Variants in ADGRB3 observed in about 807,000 individuals in gnomAD.
ADGRB3 encodes the protein brain-specific angiogenesis inhibitor 3.
In ADGRB3, 37 loss-of-function variants were observed where a neutral mutation model predicts 193.4. The ratio of observed to expected loss-of-function variants is 0.19; its 90% confidence interval spans 0.15 to 0.25. The LOEUF (loss-of-function observed/expected upper bound fraction) is 0.25. ADGRB3 is among the 10% of genes least tolerant of loss of function. ADGRB3 has a pLI of 1.00. For synonymous variants in ADGRB3, 690 were observed against 644.2 expected (o/e 1.07, Z -1.08); for missense variants, 1,637 against 1,852.9 (o/e 0.88, Z 2.14).
chr6:68,675,650 G>GA lies in ADGRB3; in HGVS notation c.757+36225dup, dbSNP rs549859303. ...GCAGCACGAGTGAATGGATGGAAAT[G>GA]AAAAAAAGATCTACAGAGATATCCA... On this transcript the variant is annotated intron_variant, in intron 3 of 31. Transcript: ENST00000370598. Among the ~76,000 whole-genome samples the GA allele has an allele frequency of 3.9e-4, 59 of 152,104 alleles. 1 individual carries two copies. Among genetic ancestry groups the GA allele is most frequent in the Admixed American group, 2.9e-3 (44 of 15,288 alleles).
chr6:69,023,553 G>A (rs73745919), intron 13 of ADGRB3, among the ~76,000 whole-genome samples: 1,829 of 152,180 alleles, frequency 0.012, 35 homozygotes, highest in African/African-American at 0.041. Flanking sequence ...TTTAATAGAA[G>A]CACATATGTA....
At chr6:68,695,785 C>G (rs1434397213) in intron 3 of ADGRB3, among the ~76,000 whole-genome samples, 4 of 151,920 alleles carry the variant, frequency 2.6e-5, no homozygotes, top group Non-Finnish European at 5.9e-5. Flanking sequence ...CTGGCTCTGT[C>G]ATACAACACA....
At chr6:68,756,984 T>A (rs1189474113) in intron 3 of ADGRB3, among the ~76,000 whole-genome samples, 3 of 152,150 alleles carry the variant, frequency 2.0e-5, no homozygotes, top group Admixed American at 2.0e-4. Flanking sequence ...TAAATAGTGG[T>A]TACATGTCTT....
At chr6:69,185,982 G>T (rs145712333) in intron 17 of ADGRB3, among the ~76,000 whole-genome samples, 114 of 152,110 alleles carry the variant, frequency 7.5e-4, no homozygotes, top group African/African-American at 2.6e-3. Flanking sequence ...AAGAAAATCA[G>T]AGCTTTAGAT....
At chr6:69,032,456 AAAAC>A (rs1562129837) in intron 13 of ADGRB3, among the ~76,000 whole-genome samples, 1 of 152,244 alleles carries the variant, frequency 6.6e-6, no homozygotes. Flanking sequence ...GTAAATATAA[AAAAC>A]AATCCCAGTT....
intron 17 of ADGRB3, among the ~76,000 whole-genome samples, chr6:69,224,133 G>A (rs755320755): frequency 2.0e-5 from 3 of 151,860 alleles, no homozygotes; most frequent in Admixed American, 6.6e-5. Flanking sequence ...GTTTTTTCAT[G>A]TGTATTTTTC....
intron 3 of ADGRB3, among the ~76,000 whole-genome samples, chr6:68,861,606 C>A (rs766506156): frequency 6.6e-6 from 1 of 152,124 alleles, no homozygotes; most frequent in Non-Finnish European, 1.5e-5. Flanking sequence ...TGTCAGTATA[C>A]AACAGTTATG....
At chr6:68,896,407 T>C (rs1237599313) in intron 3 of ADGRB3, among the ~76,000 whole-genome samples, 1 of 152,146 alleles carries the variant, frequency 6.6e-6, no homozygotes, top group African/African-American at 2.4e-5. Flanking sequence ...TTCTCAGTTA[T>C]TATTTTTTAT....
intron 6 of ADGRB3, among the ~76,000 whole-genome samples, chr6:68,948,197 C>T (rs1350717544): frequency 6.6e-6 from 1 of 152,130 alleles, no homozygotes; most frequent in African/African-American, 2.4e-5. Flanking sequence ...GTGAGTTGCA[C>T]TGTGACCTTG....
chr6:69,339,342 T>A lies in ADGRB3; in HGVS notation c.3297T>A (p.Leu1099=), dbSNP rs1215568871. 6.2e-7 allele frequency: 1 copy of A among 1,613,904 alleles called. No homozygotes were observed. Among genetic ancestry groups the A allele is most frequent in the East Asian group, 2.2e-5 (1 of 44,880 alleles). ...ATTASNAMAS[L]WSSCVVLPLL... is the part of the protein sequence containing the mutation. ...TTCTTGGTCTCAACAGGGCGTCTCT[T>A]TGGAGCTCCTGTGTGGTGTTGCCCC... Residue 1099 remains leucine, a synonymous_variant, in exon 26 of 32, where the codon CTT becomes CTA. Coordinates refer to ENST00000370598, the MANE Select transcript of ADGRB3 (RefSeq NM_001704.3).
intron 10 of ADGRB3, among the ~76,000 whole-genome samples, chr6:68,985,810 G>A (rs1055789350): frequency 1.3e-5 from 2 of 152,102 alleles, no homozygotes; most frequent in African/African-American, 2.4e-5. Context: ...AACCAGAAAA[G>A]TCAAGTAATG....
intron 3 of ADGRB3, among the ~76,000 whole-genome samples, chr6:68,770,994 G>A (rs1766606556): frequency 6.6e-6 from 1 of 152,080 alleles, no homozygotes; most frequent in Non-Finnish European, 1.5e-5. Context: ...GTGGTATTGT[G>A]TAATGTGACT....
intron 11 of ADGRB3, among the ~76,000 whole-genome samples, chr6:69,005,147 A>G (rs1769709027): frequency 6.6e-6 from 1 of 152,086 alleles, no homozygotes; most frequent in South Asian, 2.1e-4. Context: ...CTCTGGGGAA[A>G]AAATCATATT....
At chr6:69,337,398 T>G (rs887246895) in intron 24 of ADGRB3, among the ~76,000 whole-genome samples, 1 of 152,164 alleles carries the variant, frequency 6.6e-6, no homozygotes, top group African/African-American at 2.4e-5. Flanking sequence ...ATCAGCATAA[T>G]CTATGGAGCT....
chr6:69,273,289 G>A (rs907576196), intron 20 of ADGRB3, among the ~76,000 whole-genome samples: 1 of 152,138 alleles, frequency 6.6e-6, no homozygotes, highest in Non-Finnish European at 1.5e-5. Context: ...TTTACTGTTT[G>A]CAAATGGGAA....
intron 18 of ADGRB3, 35 bp from the exon 19 acceptor site, chr6:69,234,997 C>T: frequency 4.6e-6 from 7 of 1,519,148 alleles, no homozygotes; most frequent in Non-Finnish European, 6.4e-6. Context: ...TATTAAAAAC[C>T]AATTTGTTTC....
At chr6:68,863,198 T>G (rs577629529) in intron 3 of ADGRB3, among the ~76,000 whole-genome samples, 1 of 152,264 alleles carries the variant, frequency 6.6e-6, no homozygotes, top group East Asian at 1.9e-4. Context: ...TTCATTAATT[T>G]TAGCACTCTA....
At chr6:69,386,171 C>T (rs1033712818) in intron 31 of ADGRB3, among the ~76,000 whole-genome samples, 3 of 151,992 alleles carry the variant, frequency 2.0e-5, no homozygotes, top group Admixed American at 6.6e-5. Context: ...CATGTAGTGA[C>T]AATAATAGCA....
intron 20 of ADGRB3, among the ~76,000 whole-genome samples, chr6:69,291,554 C>T (rs1389189450): frequency 6.6e-6 from 1 of 152,130 alleles, no homozygotes; most frequent in African/African-American, 2.4e-5. Flanking sequence ...GTATCATTAG[C>T]AGTAAGTAAC....
Sources: gnomAD v4.1 joint callset for allele counts (sites outside exome capture counted in the v4.1 genomes callset) on GRCh38, gnomAD v4.1.1 for gene constraint, MANE v1.5 for transcripts, NCBI Gene and HGNC (gene_info 2026-07-23, HGNC 2026-07-21) for gene names.